Variants in CWC22 observed in about 807,000 individuals in gnomAD.
CWC22 encodes the protein CWC22 spliceosome associated protein, also known as pre-mRNA-splicing factor CWC22 homolog.
In CWC22, 53 loss-of-function variants were observed where a neutral mutation model predicts 117.2. The observed-to-expected ratio is 0.45, with a 90% CI of 0.36 to 0.57. The LOEUF is 0.57. Among genes scored for constraint, CWC22 ranks in the 20% least tolerant of loss-of-function variants. The pLI is 0.00. For synonymous variants in CWC22, 360 were observed against 355.6 expected (o/e 1.01, Z -0.14); for missense variants, 980 against 1,068.8 (o/e 0.92, Z 1.16).
chr2:179,982,740 A>G (rs1687316740), intron 4 of CWC22, among the ~76,000 whole-genome samples: 2 of 152,156 alleles, frequency 1.3e-5, no homozygotes, highest in South Asian at 4.1e-4. Context: ...GAGGCTTTTA[A>G]AACAATCAAG....
intron 2 of CWC22, among the ~76,000 whole-genome samples, chr2:179,991,331 A>C (rs1182675173): frequency 2.0e-5 from 3 of 152,202 alleles, no homozygotes; most frequent in African/African-American, 7.2e-5. Flanking sequence ...AGCCTTATGA[A>C]CCTAATAGGT....
At chr2:179,946,441 A>C in intron 19 of CWC22, among the ~76,000 whole-genome samples, 1 of 96,042 alleles carries the variant, frequency 1.0e-5, no homozygotes, top group South Asian at 4.2e-4. Flanking sequence ...ACAAAGTGGG[A>C]CTCTGTCCAA....
chr2:179,961,711 A>G (rs1194351886), intron 13 of CWC22, among the ~76,000 whole-genome samples: 3 of 151,984 alleles, frequency 2.0e-5, no homozygotes, highest in African/African-American at 7.2e-5. Flanking sequence ...ATCAGGGAGA[A>G]AGCTATATGA....
At chr2:179,983,790 T>C (rs976765761) in intron 4 of CWC22, among the ~76,000 whole-genome samples, 1 of 151,742 alleles carries the variant, frequency 6.6e-6, no homozygotes, top group Non-Finnish European at 1.5e-5. Flanking sequence ...AGGCAGATGC[T>C]CTAAGTTCTC....
At chr2:179,983,259 C>T (rs1687330784) in intron 4 of CWC22, among the ~76,000 whole-genome samples, 1 of 152,092 alleles carries the variant, frequency 6.6e-6, no homozygotes, top group African/African-American at 2.4e-5. Flanking sequence ...TCCTCCCACC[C>T]TCCACTCTCC....
intron 1 of CWC22, among the ~76,000 whole-genome samples, chr2:180,001,768 A>G (rs1687855305): frequency 6.6e-6 from 1 of 152,198 alleles, no homozygotes; most frequent in South Asian, 2.1e-4. Context: ...CTTTTATGGG[A>G]CATTGCTCTA....
rs777972536 is a variant in CWC22 at position 179,945,335 on chromosome 2, T to A, written c.2521A>T (p.Lys841Ter). ...SENEKHTHRI[K>*]DSENFRRKDR... is the part of the protein sequence containing the mutation. The stretch of plus-strand genomic sequence containing the variant: ...TTTCTTCTGAAATTTTCACTGTCTT[T>A]AATTCGGTGTGTATGCTTCTCATTT... Residue 841 changes from lysine to a stop codon, truncating the protein, a stop_gained, in exon 20 of 20, where the codon AAA becomes TAA. Transcript: ENST00000410053. LOFTEE classifies it high-confidence loss of function. 2.5e-6 allele frequency: 4 copies of A among 1,613,430 alleles called. No homozygotes were observed. The highest frequency in any genetic ancestry group is 3.4e-6 in the Non-Finnish European group (4 of 1,179,724).
chr2:179,986,723 G>A lies in CWC22; in HGVS notation c.178C>T (p.Arg60Cys), dbSNP rs756413387. 8.7e-6 allele frequency: 14 copies of A among 1,602,254 alleles called. No homozygotes were observed. The highest frequency in any genetic ancestry group is 4.5e-5 in the East Asian group (2 of 44,712). ...RSDYEHSRRGRSYDSSMESRN... is the reference protein window; with the variant it reads ...RSDYEHSRRGCSYDSSMESRN... ...GACTCCATGCTACTATCATAAGAAC[G>A]TCCTCTTCTTGAATGCTCATAGTCT... is the stretch of plus-strand genomic sequence containing the variant. The change falls in exon 4 of 20, where the codon CGT becomes TGT. Residue 60 changes from arginine (R) to cysteine (C), a missense_variant. This residue lies in a region of CWC22 where 559 missense variants were observed against 602.3 expected (regional missense o/e 0.93). Transcript: ENST00000410053.
At chr2:180,004,043 C>A (rs527700423) in intron 1 of CWC22, among the ~76,000 whole-genome samples, 14 of 152,228 alleles carry the variant, frequency 9.2e-5, no homozygotes, top group African/African-American at 3.4e-4. Context: ...TATTGTTCCA[C>A]CACCCTCCCA....
At position 179,952,488 on chromosome 2, in the gene CWC22, A is replaced by T; in HGVS notation, c.1800T>A (p.Asn600Lys). The T allele has an allele frequency of 6.4e-7, 1 of 1,562,952 alleles. No individual in the cohort carries two copies. Among genetic ancestry groups the T allele is most frequent in the East Asian group, 2.3e-5 (1 of 43,218 alleles). Residue 600 changes from asparagine to lysine, a missense_variant, in exon 17 of 20, where the codon AAT (asparagine) becomes AAA (lysine). Physicochemically the swap from Asn to Lys is moderately conservative, Grantham distance 94. Coordinates refer to ENST00000410053, the MANE Select transcript of CWC22 (RefSeq NM_020943.3). ...AAACTTACTCATCCTTTAATCTTGC[A>T]TTAAGTTTAGGAAGACCCATGTATT... ...LCEYMGLPKL[N>K]ARLKDETLQP...
intron 13 of CWC22, among the ~76,000 whole-genome samples, chr2:179,963,413 G>A (rs1181174127): frequency 7.4e-6 from 1 of 135,232 alleles, no homozygotes. Flanking sequence ...CGCCATCTCG[G>A]CTCACTGCAA....
At position 179,973,720 on chromosome 2, in the gene CWC22, T is replaced by C. The variant is rs1687086796; in HGVS notation, c.664A>G (p.Ile222Val). The C allele has an allele frequency of 6.2e-7, 1 of 1,609,394 alleles. No individual in the cohort carries two copies. The highest frequency in any genetic ancestry group is 1.3e-5 in the African/African-American group (1 of 74,792). The part of the protein sequence containing the change: ...THVYAALVAI[I>V]NSKFPQIGEL... ...CCAATTTGTGGAAATTTTGAGTTGATAATTGCCACTAATGCTGCATAAACA... is the reference window on the plus strand; with the variant it reads ...CCAATTTGTGGAAATTTTGAGTTGACAATTGCCACTAATGCTGCATAAACA... Residue 222 changes from isoleucine (I) to valine (V), a missense_variant, in exon 7 of 20, where the codon ATC (isoleucine) becomes GTC (valine). Physicochemically the swap from Ile to Val is conservative, Grantham distance 29 (BLOSUM62 3). This residue lies in a region of CWC22 where 559 missense variants were observed against 602.3 expected (regional missense o/e 0.93). Transcript: ENST00000410053.
chr2:179,948,694 A>C (rs1686370916), intron 19 of CWC22, among the ~76,000 whole-genome samples: 1 of 152,164 alleles, frequency 6.6e-6, no homozygotes, highest in East Asian at 1.9e-4. Context: ...CTCCATACTG[A>C]GGGACAGGTT....
intron 1 of CWC22, among the ~76,000 whole-genome samples, chr2:180,002,202 C>A (rs1687865680): frequency 6.6e-6 from 1 of 152,200 alleles, no homozygotes; most frequent in African/African-American, 2.4e-5. Context: ...TAAACCAGCT[C>A]TTCTTCTAAG....
chr2:179,974,553 T>G (rs1687111534), intron 6 of CWC22, among the ~76,000 whole-genome samples: 1 of 152,320 alleles, frequency 6.6e-6, no homozygotes, highest in South Asian at 2.1e-4. Context: ...ATATGACAAC[T>G]GAATCACTAG....
chr2:179,959,203 G>C (rs986210864), intron 13 of CWC22, 121 bp from the exon 14 acceptor site: 17 of 649,998 alleles, frequency 2.6e-5, no homozygotes, highest in Non-Finnish European at 4.6e-5. Context: ...TCATATTGTT[G>C]TACTGTGTAT....
rs775142786 is a variant in CWC22 at position 179,945,256 on chromosome 2, T to A, written c.2600A>T (p.Asp867Val). Reference sequence around the variant, plus strand: ...GGCACCATTTTGATATCTATCTTCATCACTTCTTGAGCCTGAGTGCTTTCT... The same window carrying A: ...GGCACCATTTTGATATCTATCTTCAACACTTCTTGAGCCTGAGTGCTTTCT... ...MNRKHSGSRS[D>V]EDRYQNGAER... The change falls in exon 20 of 20, where the codon GAT (aspartate) becomes GTT (valine). Residue 867 changes from aspartate to valine, a missense_variant. Physicochemically the swap from Asp to Val is radical, Grantham distance 152. This residue lies in a region of CWC22 where 306 missense variants were observed against 296.8 expected (regional missense o/e 1.03). Coordinates refer to ENST00000410053, the MANE Select transcript of CWC22 (RefSeq NM_020943.3). 5.0e-6 allele frequency: 8 copies of A among 1,613,846 alleles called. No individual in the cohort carries two copies. The East Asian group carries it at 1.8e-4, about 36-fold the overall frequency.
chr2:180,000,244 G>C lies in CWC22; in HGVS notation c.-114+6623C>G, dbSNP rs535056905. ...ATCACAATTTCAAGAAAATAAAAGG[G>C]TCAAAATACTCCTGTCTCTTTCTAG... On this transcript the variant is annotated intron_variant, in intron 1 of 19. Coordinates refer to ENST00000410053, the MANE Select transcript of CWC22 (RefSeq NM_020943.3). Among the ~76,000 whole-genome samples, 599 of 152,134 alleles carry C rather than the reference G, an allele frequency of 3.9e-3. 4 individuals are homozygous for C. The highest frequency in any genetic ancestry group is 0.014 in the African/African-American group (579 of 41,504).
intron 1 of CWC22, among the ~76,000 whole-genome samples, chr2:179,998,981 G>A (rs3845708): frequency 0.14 from 21,737 of 151,934 alleles, 1,954 homozygotes; most frequent in Admixed American, 0.29. Context: ...TTTCAATTTA[G>A]TGAGTTTTCT....
Sources: allele counts gnomAD v4.1 joint callset (sites outside exome capture counted in the v4.1 genomes callset), GRCh38; gene constraint gnomAD v4.1.1; regional missense constraint gnomAD v4.1.1; transcripts MANE v1.5; gene names NCBI Gene and HGNC (gene_info 2026-07-23, HGNC 2026-07-21).